PLS1: variants seen among roughly 807,000 people sequenced by gnomAD.
PLS1 encodes plastin 1.
Under a neutral mutation model 73.7 loss-of-function variants are expected in PLS1, and 32 were observed. The observed-to-expected ratio is 0.43, with a 90% CI of 0.33 to 0.58. The LOEUF is 0.58. PLS1 is among the 20% of genes least tolerant of loss of function. The pLI is 0.04. For missense variants in PLS1, 633 were observed against 740.5 expected (o/e 0.85, Z 1.68); for synonymous variants, 217 against 261.3 (o/e 0.83, Z 1.63).
intron 1 of PLS1, among the ~76,000 whole-genome samples, chr3:142,614,267 G>A (rs796686198): frequency 7.2e-5 from 11 of 152,354 alleles, no homozygotes; most frequent in African/African-American, 2.6e-4. Context: ...TTTCAGCTCA[G>A]GGATAGCTCA....
chr3:142,607,128 T>A (rs2036034964), intron 1 of PLS1, among the ~76,000 whole-genome samples: 2 of 152,206 alleles, frequency 1.3e-5, no homozygotes, highest in African/African-American at 2.4e-5. Context: ...GCCGTTTTAA[T>A]ACATGTGAAG....
At chr3:142,642,936 C>T (rs2036871967) in intron 1 of PLS1, among the ~76,000 whole-genome samples, 1 of 152,098 alleles carries the variant, frequency 6.6e-6, no homozygotes. Context: ...GGTGATCTGC[C>T]TACCCCACCA....
chr3:142,663,763 C>T (rs1341998876), intron 1 of PLS1, among the ~76,000 whole-genome samples: 1 of 152,166 alleles, frequency 6.6e-6, no homozygotes, highest in Non-Finnish European at 1.5e-5. Context: ...AACCACAAAT[C>T]CCATTATAAG....
At chr3:142,610,149 G>T (rs188550701) in intron 1 of PLS1, among the ~76,000 whole-genome samples, 4 of 152,286 alleles carry the variant, frequency 2.6e-5, no homozygotes, top group African/African-American at 9.6e-5. Flanking sequence ...TATTTATTAA[G>T]TATCTCCTAT....
chr3:142,598,884 C>T (rs1256588120), intron 1 of PLS1, among the ~76,000 whole-genome samples: 1 of 151,856 alleles, frequency 6.6e-6, no homozygotes, highest in Non-Finnish European at 1.5e-5. Flanking sequence ...GCCTGTAGTC[C>T]CAGCTACTTG....
At chr3:142,677,126 T>C (rs1577878030) in intron 5 of PLS1, among the ~76,000 whole-genome samples, 1 of 152,158 alleles carries the variant, frequency 6.6e-6, no homozygotes, top group Non-Finnish European at 1.5e-5. Flanking sequence ...TTTTAAAAGG[T>C]AAAATTCTAA....
chr3:142,671,366 G>A (rs2037601225), intron 4 of PLS1, among the ~76,000 whole-genome samples: 1 of 152,144 alleles, frequency 6.6e-6, no homozygotes, highest in Non-Finnish European at 1.5e-5. Context: ...CTGTGTATCA[G>A]GCTCAGTCTA....
chr3:142,711,361 C>A, intron 14 of PLS1, 140 bp from the exon 15 acceptor site: 1 of 537,738 alleles, frequency 1.9e-6, no homozygotes, highest in South Asian at 3.4e-5. Context: ...TTTATGTGTG[C>A]TGGTTGCAGA....
At chr3:142,680,674 C>G (rs1434250468) in intron 6 of PLS1, among the ~76,000 whole-genome samples, 1 of 152,170 alleles carries the variant, frequency 6.6e-6, no homozygotes, top group African/African-American at 2.4e-5. Flanking sequence ...CTTTCCCCCT[C>G]AAAATCTCTA....
At chr3:142,640,356 G>T (rs1005637925) in intron 1 of PLS1, among the ~76,000 whole-genome samples, 1 of 152,000 alleles carries the variant, frequency 6.6e-6, no homozygotes, top group Non-Finnish European at 1.5e-5. Context: ...TAATGCTTTC[G>T]ACAGTTTTCA....
At chr3:142,635,094 A>G (rs2036648029) in intron 1 of PLS1, among the ~76,000 whole-genome samples, 1 of 152,054 alleles carries the variant, frequency 6.6e-6, no homozygotes, top group South Asian at 2.1e-4. Context: ...TAATATTCTT[A>G]TGCTATATTT....
At position 142,669,568 on chromosome 3, in the gene PLS1, C is replaced by T. The variant is rs1359872316; in HGVS notation, c.234+15C>T. On this transcript the variant is annotated intron_variant, in intron 3 of 15. Coordinates refer to ENST00000457734, the MANE Select transcript of PLS1 (RefSeq NM_001145319.2). ...AGTTTGTGTCAGTAAGTAATCTAATCCTTTCGGGCTACTGATAATCTTGCT... is the reference window on the plus strand; with the variant it reads ...AGTTTGTGTCAGTAAGTAATCTAATTCTTTCGGGCTACTGATAATCTTGCT... The T allele has an allele frequency of 1.3e-6, 2 of 1,592,724 alleles. No individual in the cohort carries two copies. The highest frequency in any genetic ancestry group is 1.1e-5 in the South Asian group (1 of 88,754).
intron 1 of PLS1, among the ~76,000 whole-genome samples, chr3:142,656,337 C>G (rs2037236108): frequency 6.6e-6 from 1 of 152,196 alleles, no homozygotes; most frequent in African/African-American, 2.4e-5. Context: ...TATTTTAGTG[C>G]TGAAGGATGC....
chr3:142,670,551 TC>T (rs1305223046), intron 3 of PLS1, among the ~76,000 whole-genome samples: 3 of 152,160 alleles, frequency 2.0e-5, no homozygotes, highest in African/African-American at 7.2e-5. Context: ...CTCTGGTGAG[TC>T]CAGTGAGAGA....
chr3:142,648,187 G>A (rs2037000455), intron 1 of PLS1, among the ~76,000 whole-genome samples: 1 of 152,176 alleles, frequency 6.6e-6, no homozygotes. Flanking sequence ...AAAATTCATG[G>A]TGGAATTTGA....
At chr3:142,657,510 C>T (rs781662029) in intron 1 of PLS1, among the ~76,000 whole-genome samples, 20 of 152,306 alleles carry the variant, frequency 1.3e-4, no homozygotes, top group African/African-American at 2.6e-4. Flanking sequence ...TTGTTTGAGA[C>T]GGAGTCTCAC....
At chr3:142,690,449 TTC>T (rs1458743429) in intron 10 of PLS1, among the ~76,000 whole-genome samples, 1 of 152,184 alleles carries the variant, frequency 6.6e-6, no homozygotes, top group African/African-American at 2.4e-5. Flanking sequence ...GCTGTGTTAT[TTC>T]TCTCTTAATA....
chr3:142,667,831 A>G (rs1191130496), intron 2 of PLS1, among the ~76,000 whole-genome samples: 2 of 152,238 alleles, frequency 1.3e-5, no homozygotes, highest in African/African-American at 4.8e-5. Flanking sequence ...ACAGTTCTGA[A>G]CTGGTCATGT....
At chr3:142,620,579 G>A (rs972742489) in intron 1 of PLS1, among the ~76,000 whole-genome samples, 2 of 152,180 alleles carry the variant, frequency 1.3e-5, no homozygotes, top group African/African-American at 2.4e-5. Flanking sequence ...ACATGGAATA[G>A]TAAATTCTTT....
Sources: gnomAD v4.1 joint callset for allele counts (sites outside exome capture counted in the v4.1 genomes callset) on GRCh38, gnomAD v4.1.1 for gene constraint, MANE v1.5 for transcripts, NCBI Gene and HGNC (gene_info 2026-07-23, HGNC 2026-07-21) for gene names.